The following NUBPL variants were observed in gnomAD, a reference collection of about 807,000 sequenced individuals.
The protein encoded by NUBPL is iron-sulfur cluster transfer protein NUBPL.
In NUBPL, 31 loss-of-function variants were observed where a neutral mutation model predicts 45.7. That is an observed-to-expected ratio of 0.68 (90% confidence interval 0.51 to 0.92). NUBPL has a LOEUF of 0.92. Among genes scored for constraint, NUBPL ranks in the 40% least tolerant of loss-of-function variants. The probability of loss-of-function intolerance (pLI) is 0.00; values close to 1 mark genes in which losing one functional copy is unlikely to be tolerated. For missense variants in NUBPL, 401 were observed against 398.7 expected, an observed-to-expected ratio of 1.01 and a Z score of -0.05; for synonymous variants, 144 against 140.9, an observed-to-expected ratio of 1.02 and a Z score of -0.15.
rs146713089 is a variant in NUBPL, at chr14:31,566,930, C to T, written c.291+1882C>T. Among the ~76,000 whole-genome samples, 12 of 152,176 alleles carry T rather than the reference C, an allele frequency of 7.9e-5. 1 individual carries two copies. Among genetic ancestry groups the T allele is most frequent in the Non-Finnish European group, 1.2e-4 (8 of 67,998 alleles). ...TTTTCCCTAAAGCTTCCAGAAGGTA[C>T]GTAATTCTGCCAACACCTTAATTTT... On this transcript the variant is annotated intron_variant, in intron 3 of 10. Coordinates refer to ENST00000281081, the MANE Select transcript of NUBPL (RefSeq NM_025152.3).
At chr14:31,594,852 C>T (rs929364876) in intron 3 of NUBPL, among the ~76,000 whole-genome samples, 8 of 152,062 alleles carry the variant, frequency 5.3e-5, no homozygotes, top group Admixed American at 1.3e-4. Flanking sequence ...ACTGCCAGTC[C>T]GAGATTAAAC....
intron 6 of NUBPL, among the ~76,000 whole-genome samples, chr14:31,774,475 A>G (rs902374030): frequency 6.6e-6 from 1 of 152,208 alleles, no homozygotes; most frequent in African/African-American, 2.4e-5. Flanking sequence ...TTTCAGAGTG[A>G]GACCTGATTG....
chr14:31,603,675 A>T (rs1304595524), intron 4 of NUBPL, among the ~76,000 whole-genome samples: 1 of 152,224 alleles, frequency 6.6e-6, no homozygotes, highest in African/African-American at 2.4e-5. Flanking sequence ...ATTCTCCCTA[A>T]CATTTTGAAG....
chr14:31,624,039 G>A (rs1595384634), intron 4 of NUBPL, among the ~76,000 whole-genome samples: 2 of 152,168 alleles, frequency 1.3e-5, no homozygotes, highest in Admixed American at 6.5e-5. Context: ...TGAAGGAAAC[G>A]TAATAGGACT....
intron 2 of NUBPL, among the ~76,000 whole-genome samples, chr14:31,562,635 G>T (rs1422945446): frequency 4.1e-5 from 5 of 121,292 alleles, no homozygotes; most frequent in South Asian, 2.5e-4. Flanking sequence ...ACGGAATCTC[G>T]CTCTGTCACC....
chr14:31,856,311 A>G (rs1284114681), intron 10 of NUBPL, among the ~76,000 whole-genome samples: 1 of 152,096 alleles, frequency 6.6e-6, no homozygotes, highest in Non-Finnish European at 1.5e-5. Context: ...GACCCACCCC[A>G]TGATTCAATC....
chr14:31,625,142 G>C (rs2035170026), intron 4 of NUBPL, among the ~76,000 whole-genome samples: 1 of 152,188 alleles, frequency 6.6e-6, no homozygotes, highest in African/African-American at 2.4e-5. Flanking sequence ...GGTGATCAGA[G>C]AAGTAGAAAG....
intron 7 of NUBPL, among the ~76,000 whole-genome samples, chr14:31,812,192 T>C (rs2039820076): frequency 6.6e-6 from 1 of 152,140 alleles, no homozygotes; most frequent in African/African-American, 2.4e-5. Flanking sequence ...GACAGGGACG[T>C]TTAAGTCTGC....
In NUBPL at chr14:31,713,843, T is replaced by A. The variant is rs185847427; in HGVS notation, c.513+40269T>A. Reference sequence around the variant, plus strand: ...TCTGTTTCACAAAGAAAATTAAATTTATATGGTGCAAACTTTCTCAATTAC... The same window carrying A: ...TCTGTTTCACAAAGAAAATTAAATTAATATGGTGCAAACTTTCTCAATTAC... On this transcript the variant is annotated intron_variant, in intron 6 of 10. Transcript: ENST00000281081. 3.9e-5 allele frequency among the ~76,000 whole-genome samples: 6 copies of A among 152,316 alleles called. No individual in the cohort carries two copies. In the East Asian group the frequency reaches 1.2e-3, roughly 29 times the overall value.
chr14:31,743,718 T>G (rs886342743), intron 6 of NUBPL, among the ~76,000 whole-genome samples: 1 of 152,156 alleles, frequency 6.6e-6, no homozygotes, highest in Admixed American at 6.6e-5. Flanking sequence ...GACCCTAGAC[T>G]TTCCTGGATG....
At chr14:31,716,150 G>T (rs1595536140) in intron 6 of NUBPL, among the ~76,000 whole-genome samples, 1 of 152,130 alleles carries the variant, frequency 6.6e-6, no homozygotes, top group Non-Finnish European at 1.5e-5. Flanking sequence ...ACAGTAACAT[G>T]CATGAAGCTG....
rs185684404 is a variant in NUBPL, at chr14:31,639,219, G to A, written c.383-34136G>A. On this transcript the variant is annotated intron_variant, in intron 4 of 10. Coordinates refer to ENST00000281081, the MANE Select transcript of NUBPL (RefSeq NM_025152.3). The stretch of plus-strand genomic sequence containing the variant: ...ATTTTTTCCCCATCTTTGTGGTTTT[G>A]TCTACTTTTGGTCTTTGATGATGGT... Among the ~76,000 whole-genome samples, 281 of 152,130 alleles carry A rather than the reference G, an allele frequency of 1.8e-3. 1 individual carries two copies. The highest frequency in any genetic ancestry group is 3.4e-3 in the Non-Finnish European group (228 of 68,002).
At chr14:31,836,723 C>T (rs1178290603) in intron 8 of NUBPL, among the ~76,000 whole-genome samples, 1 of 152,106 alleles carries the variant, frequency 6.6e-6, no homozygotes, top group Non-Finnish European at 1.5e-5. Context: ...AAATTGTCCC[C>T]CAGCTAACCC....
chr14:31,770,143 C>A (rs2038981789), intron 6 of NUBPL, among the ~76,000 whole-genome samples: 1 of 152,156 alleles, frequency 6.6e-6, no homozygotes, highest in Non-Finnish European at 1.5e-5. Context: ...GTGGGTTCAT[C>A]TTGTCCACTG....
At chr14:31,762,270 C>G (rs1291471829) in intron 6 of NUBPL, among the ~76,000 whole-genome samples, 1 of 152,184 alleles carries the variant, frequency 6.6e-6, no homozygotes, top group Non-Finnish European at 1.5e-5. Flanking sequence ...TATTCAGGAA[C>G]TTTCTTACTT....
Position 31,793,828 on chromosome 14 carries a change from C to T in NUBPL, c.607+5955C>T, listed in dbSNP as rs200084980. 2.3e-4 allele frequency among the ~76,000 whole-genome samples: 29 copies of T among 127,608 alleles called. 1 individual carries two copies. The highest frequency in any genetic ancestry group is 7.2e-4 in the South Asian group (3 of 4,158). 83.7% of individuals were successfully genotyped at this position (127,608 alleles called of 152,430 possible). Reference sequence around the variant, plus strand: ...GAAGGATTTGTGCCCCCTTATCTTTCTTTTTTTTTTTTATTTTTTTTTTTA... The same window carrying T: ...GAAGGATTTGTGCCCCCTTATCTTTTTTTTTTTTTTTTATTTTTTTTTTTA... On this transcript the variant is annotated intron_variant, in intron 7 of 10. Transcript: ENST00000281081.
At chr14:31,832,806 A>G (rs1188355870) in intron 8 of NUBPL, among the ~76,000 whole-genome samples, 1 of 152,146 alleles carries the variant, frequency 6.6e-6, no homozygotes, top group Non-Finnish European at 1.5e-5. Context: ...TAACTGTATG[A>G]CCTGAGTTAT....
In NUBPL at chr14:31,619,478, TGG is replaced by T. The variant is rs1360123802; in HGVS notation, c.382+20100_382+20101del. 3.5e-4 allele frequency among the ~76,000 whole-genome samples: 54 copies of T among 152,324 alleles called. No homozygotes were observed. In the South Asian group the frequency reaches 0.011, roughly 30 times the overall value. ...TTCAGAAGCTTTTGTAAGGCAGGCCTGGTGGTGACAAAATTTCTCAATATTTG... is the reference window on the plus strand; with the variant it reads ...TTCAGAAGCTTTTGTAAGGCAGGCCTTGGTGACAAAATTTCTCAATATTTG... On this transcript the variant is annotated intron_variant, in intron 4 of 10. Coordinates refer to ENST00000281081, the MANE Select transcript of NUBPL (RefSeq NM_025152.3).
At chr14:31,809,852 T>G (rs1297480133) in intron 7 of NUBPL, among the ~76,000 whole-genome samples, 1 of 152,204 alleles carries the variant, frequency 6.6e-6, no homozygotes, top group East Asian at 1.9e-4. Flanking sequence ...ACATTTTTAT[T>G]TCTGCCTTCA....
Sources: gnomAD v4.1 joint callset for allele counts (sites outside exome capture counted in the v4.1 genomes callset) on GRCh38, gnomAD v4.1.1 for gene constraint, MANE v1.5 for transcripts, NCBI Gene and HGNC (gene_info 2026-07-23, HGNC 2026-07-21) for gene names.